The following SLIT2 variants were observed in gnomAD, a reference collection of about 807,000 sequenced individuals.
The protein encoded by SLIT2 is slit homolog 2 protein.
SLIT2 carries 41 observed loss-of-function variants against 185.7 expected under a neutral mutation model. The ratio of observed to expected loss-of-function variants is 0.22; its 90% CI spans 0.17 to 0.29. The LOEUF is 0.29. Among genes scored for constraint, SLIT2 ranks in the 10% least tolerant of loss-of-function variants. The pLI is 1.00. For synonymous variants in SLIT2, 693 were observed against 680.2 expected (o/e 1.02, Z -0.29); for missense variants, 1,571 against 1,909.0 (o/e 0.82, Z 3.30).
chr4:20,585,472 G>A (rs1726978729), intron 29 of SLIT2, among the ~76,000 whole-genome samples: 1 of 152,160 alleles, frequency 6.6e-6, no homozygotes, highest in Admixed American at 6.6e-5. Flanking sequence ...AAATAAATAG[G>A]ATTTCCTGGG....
At chr4:20,555,703 C>A (rs2148898074) in intron 26 of SLIT2, among the ~76,000 whole-genome samples, 1 of 152,020 alleles carries the variant, frequency 6.6e-6, no homozygotes, top group Admixed American at 6.5e-5. Context: ...TAAATGTTTG[C>A]AAAAGGTAAT....
At chr4:20,490,709 T>G in intron 8 of SLIT2, 1 of 893,554 alleles carries the variant, frequency 1.1e-6, no homozygotes, top group Non-Finnish European at 1.7e-6. Flanking sequence ...TCAATATGTC[T>G]GATTGCTTTT....
intron 4 of SLIT2, among the ~76,000 whole-genome samples, chr4:20,463,493 G>A (rs868495054): frequency 1.9e-3 from 169 of 86,924 alleles, no homozygotes; most frequent in Middle Eastern, 5.8e-3. Flanking sequence ...ATATATATAT[G>A]TGTGTGTGCG....
chr4:20,326,866 A>C (rs1010874110), intron 4 of SLIT2, among the ~76,000 whole-genome samples: 3 of 150,188 alleles, frequency 2.0e-5, no homozygotes, highest in African/African-American at 7.4e-5. Context: ...CAAACCACAG[A>C]GTTTAATGTG....
At position 20,254,114 on chromosome 4, in the gene SLIT2, A is replaced by T. The variant is rs919876725; in HGVS notation, c.179+120A>T. ...GGGCAGCCCTCGCTAGCTCTCCCCC[A>T]TGCACATCCTGGGGTTGAGCTCTCC... On this transcript the variant is annotated intron_variant, in intron 1 of 36. Coordinates refer to ENST00000504154, the MANE Select transcript of SLIT2 (RefSeq NM_004787.4). This position sits in a 1 kb window ranked among gnomAD's most constrained non-coding sequence, Gnocchi z 5.1. 8.4e-5 allele frequency: 85 copies of T among 1,007,330 alleles called. No homozygotes were observed. Among genetic ancestry groups the T allele is most frequent in the Non-Finnish European group, 8.5e-5 (58 of 681,726 alleles). 62.4% of individuals were successfully genotyped at this position (1,007,330 alleles called of 1,614,324 possible).
At chr4:20,575,024 C>T (rs1284404288) in intron 29 of SLIT2, among the ~76,000 whole-genome samples, 1 of 152,110 alleles carries the variant, frequency 6.6e-6, no homozygotes, top group Non-Finnish European at 1.5e-5. Context: ...GGTCAAATGG[C>T]TTCTTTTCTC....
intron 4 of SLIT2, among the ~76,000 whole-genome samples, chr4:20,423,464 T>C (rs902902147): frequency 6.8e-6 from 1 of 147,854 alleles, no homozygotes; most frequent in African/African-American, 2.5e-5. Context: ...TGTGACTAAA[T>C]TAGAATTTGA....
chr4:20,553,736 T>G, intron 25 of SLIT2, 69 bp from the exon 26 acceptor site: 1 of 525,358 alleles, frequency 1.9e-6, no homozygotes, highest in Non-Finnish European at 2.5e-6. Context: ...CTTCCATACT[T>G]GTGTGTGTGT....
chr4:20,321,606 A>C (rs1719092879), intron 4 of SLIT2, among the ~76,000 whole-genome samples: 1 of 152,312 alleles, frequency 6.6e-6, no homozygotes, highest in South Asian at 2.1e-4. Context: ...ATCCAGGAGA[A>C]GTACTGTGTA....
rs577963574 is a variant in SLIT2 at position 20,524,153 on chromosome 4, A to C, written c.1414A>C (p.Lys472Gln). 6.2e-7 allele frequency: 1 copy of C among 1,614,128 alleles called. No individual in the cohort carries two copies. The highest frequency in any genetic ancestry group is 1.3e-5 in the African/African-American group (1 of 75,056). ...GGCAAACAAAAGAATTGGACAGATC[A>C]AAAGCAAGAAATTCCGTTGTTCAGG... ...RLANKRIGQI[K>Q]SKKFRCSAKE... The change falls in exon 14 of 37, where the codon AAA (lysine) becomes CAA (glutamine). Residue 472 changes from lysine to glutamine, a missense_variant. Physicochemically the swap from Lys to Gln is moderately conservative, Grantham distance 53 (BLOSUM62 1). Coordinates refer to ENST00000504154, the MANE Select transcript of SLIT2 (RefSeq NM_004787.4).
At chr4:20,555,137 A>T (rs1029213920) in intron 26 of SLIT2, among the ~76,000 whole-genome samples, 5 of 152,228 alleles carry the variant, frequency 3.3e-5, no homozygotes, top group African/African-American at 9.6e-5. Context: ...TGAAAATGTT[A>T]AATGTCTAAT....
At chr4:20,286,946 A>G (rs6832019) in intron 4 of SLIT2, among the ~76,000 whole-genome samples, 5,251 of 152,270 alleles carry the variant, frequency 0.034, 242 homozygotes, top group East Asian at 0.13. Context: ...TCTCAGTTTT[A>G]TAGATGAAAT....
At chr4:20,474,347 T>G (rs775770524) in intron 5 of SLIT2, among the ~76,000 whole-genome samples, 7 of 152,088 alleles carry the variant, frequency 4.6e-5, no homozygotes, top group Non-Finnish European at 1.0e-4. Flanking sequence ...TTGGTTGCAC[T>G]GCCTCTGAAA....
At chr4:20,459,903 AC>A (rs1320504960) in intron 4 of SLIT2, among the ~76,000 whole-genome samples, 31 of 144,642 alleles carry the variant, frequency 2.1e-4, no homozygotes, top group African/African-American at 7.0e-4. Flanking sequence ...TTGCTCTGTC[AC>A]CCAGGCTGGG....
intron 4 of SLIT2, among the ~76,000 whole-genome samples, chr4:20,303,874 G>A (rs1312683995): frequency 6.6e-6 from 1 of 152,176 alleles, no homozygotes; most frequent in Non-Finnish European, 1.5e-5. Context: ...AGGTGAGTAG[G>A]TGGTAAGTTC....
Position 20,541,474 on chromosome 4 carries a change from T to A in SLIT2, c.1998T>A (p.Phe666Leu). ...LSTLNLLANPFNCNCYLAWLG... is the reference protein window; with the variant it reads ...LSTLNLLANPLNCNCYLAWLG... ...TTAGAAACCTCTTGGCCAATCCTTTTAACTGTAACTGCTACCTGGCTTGGT... is the reference window on the plus strand; with the variant it reads ...TTAGAAACCTCTTGGCCAATCCTTTAAACTGTAACTGCTACCTGGCTTGGT... Residue 666 changes from phenylalanine (F) to leucine (L), a missense_variant, in exon 20 of 37, where the codon TTT (phenylalanine) becomes TTA (leucine). By Grantham distance (22) the Phe-to-Leu change is conservative. Around this residue, in one of 3 missense-constraint regions of SLIT2, gnomAD observed 1,202 missense variants for 1,416.4 expected, o/e 0.85. Coordinates refer to ENST00000504154, the MANE Select transcript of SLIT2 (RefSeq NM_004787.4). 6.2e-7 allele frequency: 1 copy of A among 1,614,030 alleles called. No individual in the cohort carries two copies. The highest frequency in any genetic ancestry group is 8.5e-7 in the Non-Finnish European group (1 of 1,179,946).
At chr4:20,300,793 A>C (rs1326610477) in intron 4 of SLIT2, among the ~76,000 whole-genome samples, 2 of 152,124 alleles carry the variant, frequency 1.3e-5, no homozygotes, top group African/African-American at 4.8e-5. Context: ...GCTTTTATGG[A>C]ACTCTTCCTA....
At chr4:20,555,368 C>G (rs956636229) in intron 26 of SLIT2, among the ~76,000 whole-genome samples, 9 of 152,036 alleles carry the variant, frequency 5.9e-5, no homozygotes, top group Non-Finnish European at 1.2e-4. Context: ...CTGGCTGGAG[C>G]CAAATTCCAG....
chr4:20,569,454 A>G (rs970516635), intron 29 of SLIT2, among the ~76,000 whole-genome samples: 1 of 152,022 alleles, frequency 6.6e-6, no homozygotes, highest in Non-Finnish European at 1.5e-5. Flanking sequence ...ATGTCCCTCA[A>G]AATAAAAGTC....
Sources: allele counts gnomAD v4.1 joint callset (sites outside exome capture counted in the v4.1 genomes callset), GRCh38; gene constraint gnomAD v4.1.1; regional missense constraint gnomAD v4.1.1; non-coding constraint Gnocchi (gnomAD v3.1); transcripts MANE v1.5; gene names NCBI Gene and HGNC (gene_info 2026-07-23, HGNC 2026-07-21).